Variants in NDST4 observed in about 807,000 individuals in gnomAD.
The protein encoded by NDST4 is N-deacetylase and N-sulfotransferase 4.
A neutral mutation model predicts 100.8 loss-of-function variants in NDST4; 63 were observed. The observed-to-expected ratio is 0.62, with a 90% CI of 0.51 to 0.77. The LOEUF (loss-of-function observed/expected upper bound fraction) is 0.77, where lower values mean the gene tolerates loss of function less well. Among genes scored for constraint, NDST4 ranks in the 30% least tolerant of loss-of-function variants. The pLI is 0.00. For missense variants in NDST4, 943 were observed against 1,018.4 expected (o/e 0.93, Z 1.01); for synonymous variants, 377 against 361.8 (o/e 1.04, Z -0.48).
rs759666290 is a variant in NDST4 at position 115,021,727 on chromosome 4, T to C, written c.979-44453A>G. Among the ~76,000 whole-genome samples, 399 of 149,040 alleles carry C rather than the reference T, an allele frequency of 2.7e-3. 1 individual carries two copies. The highest frequency in any genetic ancestry group is 4.1e-3 in the Non-Finnish European group (276 of 67,392). On this transcript the variant is annotated intron_variant, in intron 2 of 13. Transcript: ENST00000264363. The stretch of plus-strand genomic sequence containing the variant: ...CTATACACATTCCATATATATACGT[T>C]CCACATCTATACACATTCCATATAT...
At chr4:115,020,166 T>C (rs1256047585) in intron 2 of NDST4, among the ~76,000 whole-genome samples, 2 of 152,090 alleles carry the variant, frequency 1.3e-5, no homozygotes, top group African/African-American at 2.4e-5. Context: ...AAGAAGATCC[T>C]AGAACTAGGA....
chr4:115,090,547 AT>A (rs555187848), intron 1 of NDST4, among the ~76,000 whole-genome samples: 9 of 151,900 alleles, frequency 5.9e-5, no homozygotes, highest in Non-Finnish European at 1.3e-4. Flanking sequence ...TATATTTGAT[AT>A]TTTTTTCTAG....
At chr4:115,087,785 G>A (rs1424783896) in intron 1 of NDST4, among the ~76,000 whole-genome samples, 1 of 151,482 alleles carries the variant, frequency 6.6e-6, no homozygotes, top group African/African-American at 2.4e-5. Context: ...CTTTTTTTCT[G>A]TAACTTATCA....
intron 2 of NDST4, among the ~76,000 whole-genome samples, chr4:114,991,934 T>C (rs1160821269): frequency 6.6e-6 from 1 of 152,034 alleles, no homozygotes; most frequent in African/African-American, 2.4e-5. Context: ...GTGTGAGATC[T>C]GGCATATACC....
chr4:115,031,783 G>C (rs999752492), intron 2 of NDST4, among the ~76,000 whole-genome samples: 1 of 151,910 alleles, frequency 6.6e-6, no homozygotes, highest in African/African-American at 2.4e-5. Flanking sequence ...TTATAAACTA[G>C]AATTAAGAAA....
intron 4 of NDST4, among the ~76,000 whole-genome samples, chr4:114,944,845 C>T (rs765637718): frequency 3.3e-5 from 5 of 152,186 alleles, no homozygotes; most frequent in Non-Finnish European, 7.4e-5. Flanking sequence ...CAAACACCAC[C>T]CCGGTGCTGC....
chr4:114,873,054 A>G (rs183380416), intron 6 of NDST4, among the ~76,000 whole-genome samples: 1 of 148,102 alleles, frequency 6.8e-6, no homozygotes, highest in African/African-American at 2.6e-5. Context: ...GGAATGAAAA[A>G]AGAAAAAAAT....
At chr4:114,886,392 G>A (rs1219448003) in intron 6 of NDST4, among the ~76,000 whole-genome samples, 1 of 152,044 alleles carries the variant, frequency 6.6e-6, no homozygotes. Context: ...GGTAATCCTT[G>A]AATTTATTGA....
intron 1 of NDST4, among the ~76,000 whole-genome samples, chr4:115,082,017 T>C (rs988514499): frequency 6.6e-6 from 1 of 151,014 alleles, no homozygotes; most frequent in Non-Finnish European, 1.5e-5. Context: ...AGAGATCTAC[T>C]CATTATTTTC....
chr4:115,029,243 AG>A (rs1166096732), intron 2 of NDST4, among the ~76,000 whole-genome samples: 1 of 152,102 alleles, frequency 6.6e-6, no homozygotes, highest in Non-Finnish European at 1.5e-5. Context: ...ATGAATAAGC[AG>A]TGAGCATGTT....
intron 6 of NDST4, among the ~76,000 whole-genome samples, chr4:114,914,259 C>T (rs1269886095): frequency 1.3e-5 from 2 of 152,054 alleles, no homozygotes; most frequent in Non-Finnish European, 1.5e-5. Context: ...ATAAGACCTA[C>T]TGTGTGATAG....
At chr4:114,833,741 A>G (rs576333951) in intron 11 of NDST4, 26 bp from the exon 12 acceptor site, 2 of 1,486,618 alleles carry the variant, frequency 1.3e-6, no homozygotes, top group Admixed American at 1.9e-5. Context: ...TAGTCACTTT[A>G]TGAAGAAAAA....
intron 1 of NDST4, among the ~76,000 whole-genome samples, chr4:115,088,448 C>G (rs972131181): frequency 1.3e-5 from 2 of 151,802 alleles, no homozygotes; most frequent in African/African-American, 4.8e-5. Flanking sequence ...CATCTGTAGA[C>G]CATAAACACC....
At position 114,858,885 on chromosome 4, in the gene NDST4, T is replaced by C. The variant is rs142479512; in HGVS notation, c.1720-6064A>G. On this transcript the variant is annotated intron_variant, in intron 7 of 13. Transcript: ENST00000264363. Reference sequence around the variant, plus strand: ...CTCCTACCTGGTCACTTTGGACTTTTTGTGCCAGTAGATTGGCAGACATGG... The same window carrying C: ...CTCCTACCTGGTCACTTTGGACTTTCTGTGCCAGTAGATTGGCAGACATGG... 2.5e-3 allele frequency among the ~76,000 whole-genome samples: 378 copies of C among 152,314 alleles called. 3 individuals are homozygous for C. Among genetic ancestry groups the C allele is most frequent in the African/African-American group, 8.6e-3 (356 of 41,578 alleles).
At chr4:115,063,756 C>T (rs1479953258) in intron 2 of NDST4, among the ~76,000 whole-genome samples, 1 of 151,858 alleles carries the variant, frequency 6.6e-6, no homozygotes, top group Non-Finnish European at 1.5e-5. Context: ...AAGCATTAAC[C>T]ACAAGATTTA....
intron 2 of NDST4, among the ~76,000 whole-genome samples, chr4:115,024,403 C>T (rs1302423301): frequency 6.6e-6 from 1 of 151,968 alleles, no homozygotes; most frequent in Non-Finnish European, 1.5e-5. Context: ...ATGCAGGATG[C>T]GGAGTCAAAC....
chr4:114,900,150 T>C (rs1724804254), intron 6 of NDST4, among the ~76,000 whole-genome samples: 1 of 152,124 alleles, frequency 6.6e-6, no homozygotes, highest in Non-Finnish European at 1.5e-5. Context: ...TTATTATCCT[T>C]ACAATGTCCA....
At chr4:114,887,372 A>G (rs1724501838) in intron 6 of NDST4, among the ~76,000 whole-genome samples, 1 of 152,214 alleles carries the variant, frequency 6.6e-6, no homozygotes, top group South Asian at 2.1e-4. Flanking sequence ...AATCTGAATT[A>G]TATTAAGAAT....
At chr4:114,832,606 A>G (rs1040113457) in intron 12 of NDST4, among the ~76,000 whole-genome samples, 1 of 151,978 alleles carries the variant, frequency 6.6e-6, no homozygotes, top group African/African-American at 2.4e-5. Flanking sequence ...CTCCCATCCC[A>G]CATTCATTCC....
Sources: gnomAD v4.1 joint callset for allele counts (sites outside exome capture counted in the v4.1 genomes callset) on GRCh38, gnomAD v4.1.1 for gene constraint, MANE v1.5 for transcripts, NCBI Gene and HGNC (gene_info 2026-07-23, HGNC 2026-07-21) for gene names.